EYS: variants seen among roughly 807,000 people sequenced by gnomAD.
EYS encodes EGF-like photoreceptor maintenance factor.
In EYS, 250 loss-of-function variants were observed where a neutral mutation model predicts 282.1. The ratio of observed to expected loss-of-function variants is 0.89; its 90% confidence interval spans 0.80 to 0.98. EYS has a LOEUF of 0.98. Ranked by LOEUF, EYS falls within the 50% of genes least tolerant of loss-of-function variation. The pLI is 0.00. For synonymous variants in EYS, 1,355 were observed against 1,282.9 expected, an observed-to-expected ratio of 1.06 and a Z score of -1.20; for missense variants, 4,016 against 3,709.0, an observed-to-expected ratio of 1.08 and a Z score of -2.15.
intron 22 of EYS, among the ~76,000 whole-genome samples, chr6:64,676,364 G>GAGAGA (rs1487071856): frequency 7.1e-6 from 1 of 140,298 alleles, no homozygotes; most frequent in Non-Finnish European, 1.6e-5. Context: ...AGAGAGAGAG[G>GAGAGA]GAGAGAAAGA....
At position 64,008,541 on chromosome 6, in the gene EYS, T is replaced by A. The variant is rs544460348; in HGVS notation, c.6726-9358A>T. Among the ~76,000 whole-genome samples the A allele has an allele frequency of 5.9e-5, 9 of 152,222 alleles. No individual in the cohort carries two copies. The East Asian group carries it at 1.5e-3, about 26-fold the overall frequency. ...GTTGATTATCATGCAGACTTGATTG[T>A]GTGGTTGCTTTATGGTGTCAATGGT... On this transcript the variant is annotated intron_variant, in intron 33 of 42. Coordinates refer to ENST00000503581, the MANE Select transcript of EYS (RefSeq NM_001142800.2).
At chr6:65,213,026 T>C (rs149532671) in intron 12 of EYS, among the ~76,000 whole-genome samples, 1 of 152,162 alleles carries the variant, frequency 6.6e-6, no homozygotes, top group Non-Finnish European at 1.5e-5. Context: ...CAACTGTTTT[T>C]CTTTATTTTT....
intron 30 of EYS, among the ~76,000 whole-genome samples, chr6:64,295,800 A>G (rs1011630034): frequency 6.6e-6 from 1 of 152,000 alleles, no homozygotes; most frequent in African/African-American, 2.4e-5. Context: ...CCAATGTTAC[A>G]ATTCGAACTT....
At chr6:65,296,605 G>T (rs1250265485) in intron 11 of EYS, among the ~76,000 whole-genome samples, 1 of 151,578 alleles carries the variant, frequency 6.6e-6, no homozygotes, top group Non-Finnish European at 1.5e-5. Context: ...TAGCTGTAAG[G>T]CAATGCCAGG....
At chr6:63,907,058 C>T (rs1431171137) in intron 35 of EYS, among the ~76,000 whole-genome samples, 1 of 152,100 alleles carries the variant, frequency 6.6e-6, no homozygotes, top group African/African-American at 2.4e-5. Flanking sequence ...ACAGCAGATC[C>T]ATGCCTGGAC....
At chr6:65,399,029 A>G (rs1766393086) in intron 7 of EYS, among the ~76,000 whole-genome samples, 1 of 151,974 alleles carries the variant, frequency 6.6e-6, no homozygotes, top group Non-Finnish European at 1.5e-5. Context: ...CTTAATTACC[A>G]CCATCGCGAG....
At chr6:64,778,094 C>T (rs1773734106) in intron 22 of EYS, among the ~76,000 whole-genome samples, 1 of 151,990 alleles carries the variant, frequency 6.6e-6, no homozygotes, top group African/African-American at 2.4e-5. Flanking sequence ...TTCATTACTG[C>T]CAAGAATCCA....
intron 12 of EYS, among the ~76,000 whole-genome samples, chr6:65,254,323 C>T (rs1327195984): frequency 6.6e-6 from 1 of 151,808 alleles, no homozygotes; most frequent in Non-Finnish European, 1.5e-5. Context: ...AACACATCTA[C>T]TAAGACCACT....
At chr6:65,537,356 T>C (rs765624622) in intron 2 of EYS, among the ~76,000 whole-genome samples, 2 of 152,092 alleles carry the variant, frequency 1.3e-5, no homozygotes, top group Non-Finnish European at 2.9e-5. Context: ...TAATAAAAAA[T>C]CATGCTATGT....
intron 1 of EYS, among the ~76,000 whole-genome samples, chr6:65,654,090 C>T (rs1367583718): frequency 6.6e-6 from 1 of 151,760 alleles, no homozygotes; most frequent in Non-Finnish European, 1.5e-5. Context: ...TTTAGCATGC[C>T]CACTAAATAC....
chr6:65,168,082 T>C (rs910937032), intron 12 of EYS, among the ~76,000 whole-genome samples: 3 of 151,364 alleles, frequency 2.0e-5, no homozygotes, highest in African/African-American at 7.3e-5. Flanking sequence ...TTTTTTCTAC[T>C]AGTTTTTGTT....
At chr6:64,364,439 A>G (rs568928948) in intron 29 of EYS, among the ~76,000 whole-genome samples, 61 of 152,086 alleles carry the variant, frequency 4.0e-4, no homozygotes, top group African/African-American at 1.4e-3. Context: ...GCAAAATAAC[A>G]ATAAACATTT....
intron 12 of EYS, among the ~76,000 whole-genome samples, chr6:65,205,641 G>A (rs1283578313): frequency 6.6e-6 from 1 of 151,764 alleles, no homozygotes; most frequent in African/African-American, 2.4e-5. Flanking sequence ...CATATGCTTG[G>A]TCATAAAGCA....
intron 7 of EYS, among the ~76,000 whole-genome samples, chr6:65,386,683 G>T (rs992277981): frequency 2.1e-4 from 32 of 151,934 alleles, no homozygotes; most frequent in Non-Finnish European, 4.1e-4. Context: ...TTACAAAAGT[G>T]CATTAACTTC....
intron 22 of EYS, among the ~76,000 whole-genome samples, chr6:64,763,782 G>T (rs1023414900): frequency 6.6e-6 from 1 of 152,212 alleles, no homozygotes; most frequent in Non-Finnish European, 1.5e-5. Context: ...GATACAGTGG[G>T]GGTACACAAA....
At chr6:64,302,237 TAAAC>T (rs774720878) in intron 30 of EYS, among the ~76,000 whole-genome samples, 11 of 152,106 alleles carry the variant, frequency 7.2e-5, no homozygotes, top group Non-Finnish European at 1.6e-4. Flanking sequence ...GAAACTTACC[TAAAC>T]AATTTCAACT....
At chr6:64,604,284 C>A (rs636611) in intron 24 of EYS, among the ~76,000 whole-genome samples, 116,080 of 151,952 alleles carry the variant, frequency 0.76, 45,226 homozygotes, top group African/African-American at 0.93. Context: ...GTCTGATAAC[C>A]TAACAATGTA....
intron 35 of EYS, among the ~76,000 whole-genome samples, chr6:63,922,365 C>A (rs1186028052): frequency 6.6e-6 from 1 of 152,176 alleles, no homozygotes; most frequent in African/African-American, 2.4e-5. Context: ...GAGTTCAAGA[C>A]AAGCCTGGCC....
At chr6:64,915,167 A>T (rs949911565) in intron 15 of EYS, among the ~76,000 whole-genome samples, 1 of 152,132 alleles carries the variant, frequency 6.6e-6, no homozygotes, top group African/African-American at 2.4e-5. Flanking sequence ...TCTAAAAAAC[A>T]AAACAAAACA....
Sources: allele counts gnomAD v4.1 joint callset (sites outside exome capture counted in the v4.1 genomes callset), GRCh38; gene constraint gnomAD v4.1.1; transcripts MANE v1.5; gene names NCBI Gene and HGNC (gene_info 2026-07-23, HGNC 2026-07-21).